SEMA4D: variants seen among roughly 807,000 people sequenced by gnomAD.
The protein encoded by SEMA4D is semaphorin 4D, also known as semaphorin-4D.
In SEMA4D, 22 loss-of-function variants were observed where a neutral mutation model predicts 74.8. The ratio of observed to expected loss-of-function variants is 0.29; its 90% CI spans 0.21 to 0.42. The LOEUF (loss-of-function observed/expected upper bound fraction) is 0.42, where lower values mean the gene tolerates loss of function less well. SEMA4D is among the 10% of genes least tolerant of loss of function. SEMA4D has a pLI of 1.00. For missense variants in SEMA4D, 937 were observed against 1,118.4 expected (o/e 0.84, Z 2.31); for synonymous variants, 445 against 463.7 (o/e 0.96, Z 0.52).
At chr9:89,479,341 A>G (rs1264408061) in intron 1 of SEMA4D, among the ~76,000 whole-genome samples, 1 of 152,194 alleles carries the variant, frequency 6.6e-6, no homozygotes, top group Non-Finnish European at 1.5e-5. Context: ...ATGTTTTAAA[A>G]ACTACAGCTT....
chr9:89,401,009 G>A (rs2133562150), intron 4 of SEMA4D, among the ~76,000 whole-genome samples: 1 of 152,340 alleles, frequency 6.6e-6, no homozygotes, highest in Middle Eastern at 3.4e-3. Context: ...TGAGTGAGGT[G>A]AGACCACCAC....
chr9:89,450,686 A>AAAAAAAAAAAAAAAAAAAAAAC, intron 2 of SEMA4D: 1 of 945,102 alleles, frequency 1.1e-6, no homozygotes, highest in Non-Finnish European at 1.6e-6. Flanking sequence ...AAAAAAAAAA[A>AAAAAAAAAAAAAAAAAAAAAAC]AGGCCTCCAA....
chr9:89,425,596 G>A (rs771793027), intron 2 of SEMA4D, among the ~76,000 whole-genome samples: 41 of 152,318 alleles, frequency 2.7e-4, no homozygotes, highest in Non-Finnish European at 4.9e-4. Context: ...GTGTTCAAGA[G>A]GCCTGGGCAA....
chr9:89,441,987 G>A (rs73486185), intron 2 of SEMA4D, among the ~76,000 whole-genome samples: 49 of 152,324 alleles, frequency 3.2e-4, no homozygotes, highest in African/African-American at 9.6e-4. Flanking sequence ...TTCCCCATTG[G>A]ACTGTAAGGC....
At chr9:89,386,711 T>C (rs902361380) in intron 12 of SEMA4D, 9 of 456,586 alleles carry the variant, frequency 2.0e-5, no homozygotes, top group African/African-American at 1.8e-4. Context: ...CCAAGGAAAA[T>C]AAACTGTTCC....
At chr9:89,467,063 C>G (rs553841561) in intron 1 of SEMA4D, among the ~76,000 whole-genome samples, 1 of 152,244 alleles carries the variant, frequency 6.6e-6, no homozygotes, top group Non-Finnish European at 1.5e-5. Flanking sequence ...GTGAAGTTAA[C>G]GGGGGTTGTC....
chr9:89,475,908 G>A (rs898979992), intron 1 of SEMA4D, among the ~76,000 whole-genome samples: 1 of 152,190 alleles, frequency 6.6e-6, no homozygotes, highest in Non-Finnish European at 1.5e-5. Context: ...GCATGTCCAA[G>A]CCATGTCACA....
chr9:89,439,291 T>G (rs372561034), intron 2 of SEMA4D, among the ~76,000 whole-genome samples: 74 of 152,324 alleles, frequency 4.9e-4, no homozygotes, highest in African/African-American at 1.7e-3. Flanking sequence ...AATGTATGTA[T>G]TTTAAGAACT....
chr9:89,406,114 C>T (rs564873902), intron 2 of SEMA4D, among the ~76,000 whole-genome samples: 3 of 152,244 alleles, frequency 2.0e-5, no homozygotes, highest in South Asian at 2.1e-4. Flanking sequence ...TAACGCTCAG[C>T]GAGGAAACGG....
chr9:89,405,294 C>T (rs1843110651), intron 3 of SEMA4D, 57 bp downstream of exon 3: 1 of 1,467,490 alleles, frequency 6.8e-7, no homozygotes, highest in African/African-American at 1.4e-5. Context: ...CTCAGCATCC[C>T]AGGCAGTGAG....
rs1217000642 is a variant in SEMA4D at position 89,378,845 on chromosome 9, C to G, written c.2448G>C (p.Glu816Asp). ...HPKPALDTGY[E>D]TEQDTITSKV... ...TGCTGGTGATGGTGTCTTGCTCGGT[C>G]TCATAGCCGGTGTCCAGGGCTGGCT... is the stretch of plus-strand genomic sequence containing the variant. The change falls in exon 16 of 16, where the codon GAG becomes GAC. Residue 816 changes from glutamate (E) to aspartate (D), a missense_variant. Glu to Asp is a conservative substitution (Grantham distance 45). Coordinates refer to ENST00000422704, the MANE Select transcript of SEMA4D (RefSeq NM_001371194.2). The G allele has an allele frequency of 1.9e-6, 3 of 1,614,096 alleles. No homozygotes were observed. Among genetic ancestry groups the G allele is most frequent in the African/African-American group, 2.7e-5 (2 of 74,936 alleles).
chr9:89,474,266 C>G (rs9410323), intron 1 of SEMA4D, among the ~76,000 whole-genome samples: 39,396 of 152,178 alleles, frequency 0.26, 5,229 homozygotes, highest in Middle Eastern at 0.34. Context: ...ATTTACCCAG[C>G]CCTGTGCATC....
At position 89,495,095 on chromosome 9, in the gene SEMA4D, GGCA is replaced by G. The variant is rs545142003; in HGVS notation, c.-310+2821_-310+2823del. ...CAGGGATGCAGTCATTGCTTTCATG[GGCA>G]GCATCTGAAACTTCTGGACCAAATA... On this transcript the variant is annotated intron_variant, in intron 1 of 15. Coordinates refer to ENST00000422704, the MANE Select transcript of SEMA4D (RefSeq NM_001371194.2). 5.8e-3 allele frequency among the ~76,000 whole-genome samples: 885 copies of G among 152,228 alleles called. 6 individuals carry two copies. The highest frequency in any genetic ancestry group is 0.02 in the African/African-American group (840 of 41,524).
chr9:89,474,635 C>T (rs185992118), intron 1 of SEMA4D, among the ~76,000 whole-genome samples: 4 of 152,278 alleles, frequency 2.6e-5, no homozygotes, highest in African/African-American at 9.6e-5. Context: ...TGGAAGAGGA[C>T]AAGGGCTAAA....
intron 7 of SEMA4D, 78 bp from the exon 8 acceptor site, chr9:89,392,614 A>C (rs1257658607): frequency 1.0e-5 from 9 of 893,276 alleles, no homozygotes; most frequent in African/African-American, 1.7e-5. Flanking sequence ...CAAACATTCA[A>C]CACGGTGTTT....
intron 1 of SEMA4D, among the ~76,000 whole-genome samples, chr9:89,463,752 G>A (rs1857925730): frequency 6.6e-6 from 1 of 152,100 alleles, no homozygotes; most frequent in Admixed American, 6.5e-5. Flanking sequence ...TGGCCAACAT[G>A]GTGAAACCCC....
At chr9:89,376,450 A>G (rs983833268), downstream of SEMA4D, 2 of 159,688 alleles carry the variant, frequency 1.3e-5, no homozygotes, top group African/African-American at 4.8e-5. Context: ...AATCTGGCCC[A>G]CCGTGCATTT....
chr9:89,415,054 G>A (rs914388582), intron 2 of SEMA4D, among the ~76,000 whole-genome samples: 2 of 152,326 alleles, frequency 1.3e-5, no homozygotes, highest in Admixed American at 1.3e-4. Context: ...GCACGAACAG[G>A]GCCCTTCAGA....
At chr9:89,477,234 T>G (rs1232469445) in intron 1 of SEMA4D, among the ~76,000 whole-genome samples, 1 of 151,550 alleles carries the variant, frequency 6.6e-6, no homozygotes, top group Non-Finnish European at 1.5e-5. Context: ...CACATGCATA[T>G]ATGCACAAGG....
Sources: allele counts gnomAD v4.1 joint callset (sites outside exome capture counted in the v4.1 genomes callset), GRCh38; gene constraint gnomAD v4.1.1; transcripts MANE v1.5; gene names NCBI Gene and HGNC (gene_info 2026-07-23, HGNC 2026-07-21).